RNF14: variants seen among roughly 807,000 people sequenced by gnomAD.
RNF14 encodes E3 ubiquitin-protein ligase RNF14.
A neutral mutation model predicts 52.6 loss-of-function variants in RNF14; 26 were observed. The observed-to-expected ratio is 0.49, with a 90% CI of 0.36 to 0.69. The LOEUF (loss-of-function observed/expected upper bound fraction) is 0.69, where lower values mean the gene tolerates loss of function less well. Ranked by LOEUF, RNF14 falls within the 30% of genes least tolerant of loss-of-function variation. RNF14 has a pLI of 0.00. For synonymous variants in RNF14, 194 were observed against 202.0 expected (o/e 0.96, Z 0.34); for missense variants, 404 against 560.4 (o/e 0.72, Z 2.82).
upstream of RNF14, chr5:141,958,140 G>T (rs909455964): frequency 1.1e-4 from 47 of 412,678 alleles, 1 homozygote; most frequent in African/African-American, 9.3e-4. Flanking sequence ...ACAAGAGCTG[G>T]TCTAAGAGGG....
At chr5:141,971,686 G>A (rs2126977616) in intron 2 of RNF14, among the ~76,000 whole-genome samples, 1 of 136,846 alleles carries the variant, frequency 7.3e-6, no homozygotes, top group Middle Eastern at 4.4e-3. Context: ...CTGTCACCCA[G>A]GCTGGAATGC....
At chr5:141,949,994 T>A in the RNF14 span, among the ~76,000 whole-genome samples, 1 of 152,200 alleles carries the variant, frequency 6.6e-6, no homozygotes, top group South Asian at 2.1e-4. Context: ...CAGCCGTCCA[T>A]CCGTCCGTAG....
chr5:141,983,351 A>G, intron 6 of RNF14, 29 bp from the exon 7 acceptor site: 1 of 1,581,794 alleles, frequency 6.3e-7, no homozygotes. Context: ...AAAGTTATAT[A>G]AAAGTTAATT....
chr5:141,960,068 AT>A (rs368712916), intron 1 of RNF14, among the ~76,000 whole-genome samples: 100 of 152,296 alleles, frequency 6.6e-4, no homozygotes, highest in African/African-American at 2.3e-3. Flanking sequence ...TTTGGCAGGA[AT>A]CCCATTTCTC....
chr5:141,972,698 C>T lies in RNF14; in HGVS notation c.-6-885C>T, dbSNP rs193020358. ...CTCTGCCTCCCACGTTCAAGCAGTT[C>T]TCCTGCCTCAACCTCCCGAGTAGCT... On this transcript the variant is annotated intron_variant, in intron 2 of 8. Coordinates refer to ENST00000394520, the MANE Select transcript of RNF14 (RefSeq NM_004290.5). Among the ~76,000 whole-genome samples the T allele has an allele frequency of 7.4e-3, 1,133 of 152,216 alleles. 15 individuals carry two copies. The highest frequency in any genetic ancestry group is 0.023 in the Admixed American group (354 of 15,286).
At chr5:141,957,069 C>T (rs556002724), upstream of RNF14, 23 of 1,614,200 alleles carry the variant, frequency 1.4e-5, no homozygotes, top group South Asian at 3.3e-5. This position sits in a 1 kb window ranked among gnomAD's most constrained non-coding sequence, Gnocchi z 4.3. Flanking sequence ...TTATGAGAAG[C>T]GTACCAGGTG....
At chr5:141,971,636 CTTTTTTTTTTTTTT>C (rs58804572) in intron 2 of RNF14, among the ~76,000 whole-genome samples, 81,172 of 118,020 alleles carry the variant, frequency 0.69, 26,755 homozygotes, top group East Asian at 0.98. Flanking sequence ...TCTTTCTTTC[CTTTTTTTTTTTTTT>C]TTTTTTTTGG....
chr5:141,983,584 C>G, intron 7 of RNF14, 32 bp downstream of exon 7: 4 of 1,576,626 alleles, frequency 2.5e-6, no homozygotes, highest in Non-Finnish European at 3.4e-6. Context: ...TGGAGGCCAT[C>G]AGACTTGCAA....
upstream of RNF14, among the ~76,000 whole-genome samples, chr5:141,964,676 C>T (rs537336907): frequency 3.7e-4 from 56 of 152,128 alleles, 1 homozygote; most frequent in South Asian, 0.011. Flanking sequence ...TGCAATGGTG[C>T]GATCTGGGCT....
intron 4 of RNF14, among the ~76,000 whole-genome samples, chr5:141,976,848 G>T (rs1241732345): frequency 7.0e-6 from 1 of 142,458 alleles, no homozygotes; most frequent in East Asian, 2.0e-4. Flanking sequence ...GAGCACAGGG[G>T]CACAATCTCA....
upstream of RNF14, among the ~76,000 whole-genome samples, chr5:141,966,229 G>T (rs747685286): frequency 1.3e-5 from 2 of 152,140 alleles, no homozygotes; most frequent in African/African-American, 4.8e-5. Flanking sequence ...AGAGGTTGCC[G>T]TGAGCTGAGA....
At chr5:141,987,643 A>G (rs1373755216) in intron 8 of RNF14, 90 bp from the exon 9 acceptor site, 8 of 1,241,474 alleles carry the variant, frequency 6.4e-6, no homozygotes, top group East Asian at 4.6e-5. Context: ...CAAAGATGTT[A>G]TAAGAGTACA....
chr5:141,983,275 C>A, intron 6 of RNF14, 105 bp from the exon 7 acceptor site: 1 of 900,324 alleles, frequency 1.1e-6, no homozygotes, highest in Non-Finnish European at 1.7e-6. Context: ...TGATAAAGTT[C>A]TAGGAATAAC....
rs199615526 is a variant in RNF14 at position 141,960,994 on chromosome 5, C to A, written c.-181+2569C>A. Among the ~76,000 whole-genome samples the A allele has an allele frequency of 7.9e-5, 12 of 152,266 alleles. No homozygotes were observed. In the East Asian group the frequency reaches 2.3e-3, roughly 29 times the overall value. On this transcript the variant is annotated intron_variant, in intron 1 of 4. Coordinates refer to the RNF14 transcript ENST00000506822. ...GTGGGTGCCTGGGGTTCATAAATAT[C>A]CACAGCTCCAGCCCCGTGCTACACA...
chr5:141,955,396 G>A (rs968702209), upstream of RNF14: 26 of 1,613,910 alleles, frequency 1.6e-5, no homozygotes, highest in Non-Finnish European at 2.1e-5. The surrounding 1 kb of genome is among the most constrained non-coding windows in gnomAD (Gnocchi z 5.5). Context: ...CAGGGTCGGG[G>A]TGAGGTGGAA....
At position 141,978,616 on chromosome 5, in the gene RNF14, C is replaced by G; in HGVS notation, c.620C>G (p.Ala207Gly). ...LIQEILDFDQ[A>G]QQIKCFNSKL... Reference sequence around the variant, plus strand: ...CAGGAAATCTTGGACTTTGATCAAGCTCAGCAGATAAAATGCTTTAATAGT... The same window carrying G: ...CAGGAAATCTTGGACTTTGATCAAGGTCAGCAGATAAAATGCTTTAATAGT... The change falls in exon 5 of 9, where the codon GCT (alanine) becomes GGT (glycine). Residue 207 changes from alanine to glycine, a missense_variant. Ala to Gly is a moderately conservative substitution (Grantham distance 60, BLOSUM62 0). Transcript: ENST00000394520. 1 of 1,614,032 alleles carries G rather than the reference C, an allele frequency of 6.2e-7. No homozygotes were observed. Among genetic ancestry groups the G allele is most frequent in the East Asian group, 2.2e-5 (1 of 44,890 alleles).
chr5:141,975,230 C>T (rs1157375441), intron 4 of RNF14, among the ~76,000 whole-genome samples: 4 of 152,102 alleles, frequency 2.6e-5, no homozygotes, highest in African/African-American at 7.2e-5. Context: ...TGCTATTTTC[C>T]TGTTTAATCT....
intron 8 of RNF14, 107 bp from the exon 9 acceptor site, chr5:141,987,626 A>C: frequency 9.5e-7 from 1 of 1,052,486 alleles, no homozygotes; most frequent in South Asian, 1.3e-5. Context: ...GGAGAAGAAA[A>C]GATGTACAAA....
At chr5:141,970,384 A>C (rs1753640419) in intron 1 of RNF14, among the ~76,000 whole-genome samples, 1 of 152,192 alleles carries the variant, frequency 6.6e-6, no homozygotes, top group Non-Finnish European at 1.5e-5. Flanking sequence ...AAGGAGAAAA[A>C]AACAAAACAA....
Sources: allele counts gnomAD v4.1 joint callset (sites outside exome capture counted in the v4.1 genomes callset), GRCh38; gene constraint gnomAD v4.1.1; non-coding constraint Gnocchi (gnomAD v3.1); transcripts MANE v1.5; gene names NCBI Gene and HGNC (gene_info 2026-07-23, HGNC 2026-07-21).